The following ZNF28 variants were observed in gnomAD, a reference collection of about 807,000 sequenced individuals.
ZNF28 encodes the protein zinc finger protein KOX24.
ZNF28 carries 5 observed loss-of-function variants against 7.2 expected under a neutral mutation model. The ratio of observed to expected loss-of-function variants is 0.70; its 90% CI spans 0.36 to 1.46. The LOEUF (loss-of-function observed/expected upper bound fraction) is 1.46. ZNF28 is among the 40% of genes most tolerant of loss of function. The pLI is 0.03. For missense variants in ZNF28, 879 were observed against 866.6 expected, an observed-to-expected ratio of 1.01 and a Z score of -0.18; for synonymous variants, 288 against 292.4, an observed-to-expected ratio of 0.99 and a Z score of 0.15.
At position 52,821,599 on chromosome 19, in the gene ZNF28, G is replaced by A. The variant is rs1209358654; in HGVS notation, c.-87C>T. 1.3e-5 allele frequency: 2 copies of A among 152,168 alleles called. No individual in the cohort carries two copies. The highest frequency in any genetic ancestry group is 4.8e-5 in the African/African-American group (2 of 41,434). 9.4% of individuals were successfully genotyped at this position (152,168 alleles called of 1,614,324 possible). A position where few individuals can be genotyped will look rare whatever the true frequency, so the allele number is the denominator to read the frequency against. ...AGCAAAACTCACCGCCCGCCGCGGC[G>A]TCACCGTCATTCCACGGGATCCGCT... On this transcript the variant is annotated 5_prime_UTR_variant, in exon 1 of 4. In the 5' UTR this introduces an upstream ATG that the reference lacks. Transcript: ENST00000457749.
chr19:52,814,326 C>T (rs759569400), intron 2 of ZNF28: 1 of 146,404 alleles, frequency 6.8e-6, no homozygotes, highest in Admixed American at 6.9e-5. Context: ...CATGATGGCT[C>T]GTGTCTGTAA....
intron 1 of ZNF28, among the ~76,000 whole-genome samples, chr19:52,820,263 G>A (rs1384799808): frequency 1.5e-5 from 2 of 137,740 alleles, no homozygotes; most frequent in South Asian, 2.5e-4. Flanking sequence ...GACTACAGGC[G>A]CCCGCCACCG....
chr19:52,816,149 G>A (rs2063121547), intron 2 of ZNF28, among the ~76,000 whole-genome samples: 1 of 147,124 alleles, frequency 6.8e-6, no homozygotes, highest in Non-Finnish European at 1.5e-5. Flanking sequence ...AAGGGTCTAA[G>A]CTGCAGCTTT....
chr19:52,803,021 A>C (rs778226303), intron 3 of ZNF28, among the ~76,000 whole-genome samples: 1 of 151,868 alleles, frequency 6.6e-6, no homozygotes, highest in East Asian at 1.9e-4. Flanking sequence ...TCAGCCTCCC[A>C]AAGTGCTGGG....
Position 52,800,870 on chromosome 19 carries a change from T to C in ZNF28, c.975A>G (p.Lys325=). 6.2e-7 allele frequency: 1 copy of C among 1,614,068 alleles called. No homozygotes were observed. The highest frequency in any genetic ancestry group is 8.5e-7 in the Non-Finnish European group (1 of 1,179,954). The change falls in exon 4 of 4, where the codon AAA becomes AAG. Residue 325 remains lysine (K), a synonymous_variant. Transcript: ENST00000457749. ...ETHKIIYTGG[K]PYKCKVCDKA... The stretch of plus-strand genomic sequence containing the variant: ...TGTCACAAACCTTACATTTGTATGG[T>C]TTCCCTCCAGTATAAATTATCTTAT...
At chr19:52,808,652 A>C (rs1175338743) in intron 2 of ZNF28, among the ~76,000 whole-genome samples, 1 of 151,720 alleles carries the variant, frequency 6.6e-6, no homozygotes, top group East Asian at 1.9e-4. Flanking sequence ...ATTAAAAAAA[A>C]AAACAAAAAA....
rs17770620 is a variant in ZNF28 at position 52,798,424 on chromosome 19, A to G, written c.*1264T>C. 129,219 of 418,992 alleles carry G rather than the reference A, an allele frequency of 0.31. 22,161 individuals are homozygous for G. The highest frequency in any genetic ancestry group is 0.74 in the East Asian group (11,435 of 15,416). The allele number at this position is 418,992 out of a possible 1,614,324, so 26.0% of individuals were successfully genotyped here. A position where few individuals can be genotyped will look rare whatever the true frequency, so the allele number is the denominator to read the frequency against. The stretch of plus-strand genomic sequence containing the variant: ...TTAATGCTTGATGGCTTGCTATACT[A>G]ATGGCATTTGAAACAACTGTCTCCA... On this transcript the variant is annotated 3_prime_UTR_variant, in exon 4 of 4. Coordinates refer to ENST00000457749, the MANE Select transcript of ZNF28 (RefSeq NM_006969.5).
rs138371643 is a variant in ZNF28, at chr19:52,799,425, T to C, written c.*263A>G. Reference sequence around the variant, plus strand: ...TTTGCAACCGAAAACTTTGTCACATTCTTCCTATTTGTAAAGTTTCTCTGC... The same window carrying C: ...TTTGCAACCGAAAACTTTGTCACATCCTTCCTATTTGTAAAGTTTCTCTGC... On this transcript the variant is annotated 3_prime_UTR_variant, in exon 4 of 4. Coordinates refer to ENST00000457749, the MANE Select transcript of ZNF28 (RefSeq NM_006969.5). 428 of 718,922 alleles carry C rather than the reference T, an allele frequency of 6.0e-4. 5 individuals carry two copies. In the African/African-American group the frequency reaches 7.1e-3, roughly 12 times the overall value. The allele number at this position is 718,922 out of a possible 1,614,324, so 44.5% of individuals were successfully genotyped here.
intron 1 of ZNF28, among the ~76,000 whole-genome samples, 179 bp downstream of exon 1, chr19:52,821,407 A>G (rs1227442481): frequency 7.9e-5 from 12 of 152,178 alleles, no homozygotes; most frequent in Non-Finnish European, 1.6e-4. Flanking sequence ...GACCAGCCTC[A>G]GGGCGACTTT....
At chr19:52,803,015 C>A (rs980016943) in intron 3 of ZNF28, among the ~76,000 whole-genome samples, 2 of 152,024 alleles carry the variant, frequency 1.3e-5, no homozygotes, top group Non-Finnish European at 2.9e-5. Flanking sequence ...CTTGCCTCAG[C>A]CTCCCAAAGT....
At chr19:52,819,066 T>C (rs2063162968) in intron 1 of ZNF28, among the ~76,000 whole-genome samples, 1 of 140,512 alleles carries the variant, frequency 7.1e-6, no homozygotes, top group African/African-American at 2.8e-5. Context: ...TTTAGAAACA[T>C]TGAATAAGAA....
At position 52,816,393 on chromosome 19, in the gene ZNF28, G is replaced by A. The variant is rs1215407177; in HGVS notation, c.15+1551C>T. Among the ~76,000 whole-genome samples the A allele has an allele frequency of 9.6e-5, 14 of 146,122 alleles. 1 individual carries two copies. The highest frequency in any genetic ancestry group is 3.4e-3 in the Middle Eastern group (1 of 290). The stretch of plus-strand genomic sequence containing the variant: ...AAAATTAGCCAGGCAAGCCGGGCGC[G>A]GTGGCTCAAGCCTGTAATCCCAGCA... On this transcript the variant is annotated intron_variant, in intron 2 of 3. Transcript: ENST00000457749.
At chr19:52,809,822 A>AGGCAGCGGCGGCGGG (rs202197218) in intron 2 of ZNF28, 2 of 512,558 alleles carry the variant, frequency 3.9e-6, no homozygotes, top group African/African-American at 4.1e-5. Flanking sequence ...TGAGCGGCGA[A>AGGCAGCGGCGGCGGG]GGCGGCGGCG....
chr19:52,810,550 C>A, intron 2 of ZNF28: 1 of 1,595,290 alleles, frequency 6.3e-7, no homozygotes. Flanking sequence ...GACCAGGCAT[C>A]AGCACAACAG....
intron 1 of ZNF28, among the ~76,000 whole-genome samples, chr19:52,820,088 C>A (rs896816637): frequency 7.0e-6 from 1 of 142,396 alleles, no homozygotes; most frequent in Non-Finnish European, 1.5e-5. Context: ...TGGGCTCCAT[C>A]CTTGCAACTT....
rs1023046774 is a variant in ZNF28, at chr19:52,820,360, A to G, written c.-74+1226T>C. Among the ~76,000 whole-genome samples the G allele has an allele frequency of 8.8e-5, 11 of 125,596 alleles. 1 individual carries two copies. Among genetic ancestry groups the G allele is most frequent in the African/African-American group, 3.8e-4 (11 of 28,754 alleles). 82.4% of individuals were successfully genotyped at this position (125,596 alleles called of 152,430 possible). A position where few individuals can be genotyped will look rare whatever the true frequency, so the allele number is the denominator to read the frequency against. ...TCTCGATCTCCTGACCTCATGATCC[A>G]CCCGCCTCGGCCTCCCAAAGTGCTG... On this transcript the variant is annotated intron_variant, in intron 1 of 3. Coordinates refer to ENST00000457749, the MANE Select transcript of ZNF28 (RefSeq NM_006969.5).
At chr19:52,811,754 G>C (rs1187835317) in intron 2 of ZNF28, among the ~76,000 whole-genome samples, 1 of 149,518 alleles carries the variant, frequency 6.7e-6, no homozygotes, top group East Asian at 2.0e-4. Context: ...CCGTCCGGGA[G>C]GGAGGTCGGG....
At chr19:52,814,098 C>T (rs1041337813) in intron 2 of ZNF28, among the ~76,000 whole-genome samples, 2 of 146,462 alleles carry the variant, frequency 1.4e-5, no homozygotes, top group African/African-American at 5.3e-5. Flanking sequence ...CAGAAATACA[C>T]GTGTACAAGA....
chr19:52,820,486 T>G (rs1352351318), intron 1 of ZNF28, among the ~76,000 whole-genome samples: 2 of 151,890 alleles, frequency 1.3e-5, no homozygotes, highest in African/African-American at 4.9e-5. Context: ...GATTTCCACC[T>G]CTTCTCCCCT....
Sources: gnomAD v4.1 joint callset for allele counts (sites outside exome capture counted in the v4.1 genomes callset) on GRCh38, gnomAD v4.1.1 for gene constraint, MANE v1.5 for transcripts, NCBI Gene and HGNC (gene_info 2026-07-23, HGNC 2026-07-21) for gene names.